The following PLCL2 variants were observed in gnomAD, a reference collection of about 807,000 sequenced individuals.
The protein encoded by PLCL2 is phospholipase C like 2, also known as inactive phospholipase C-like protein 2.
PLCL2 carries 4 observed loss-of-function variants against 79.6 expected under a neutral mutation model. That is an observed-to-expected ratio of 0.05 (90% CI 0.02 to 0.11). PLCL2 has a LOEUF of 0.11. PLCL2 is among the 10% of genes least tolerant of loss of function. The pLI is 1.00. For missense variants in PLCL2, 895 were observed against 1,291.0 expected (o/e 0.69, Z 4.70); for synonymous variants, 484 against 457.7 (o/e 1.06, Z -0.73).
At chr3:17,034,061 C>T (rs1455491936) in intron 3 of PLCL2, among the ~76,000 whole-genome samples, 1 of 152,152 alleles carries the variant, frequency 6.6e-6, no homozygotes, top group African/African-American at 2.4e-5. Flanking sequence ...CATTATAACA[C>T]TGAAGAGGAA....
Position 17,010,940 on chromosome 3 carries a change from G to C in PLCL2, c.1594G>C (p.Val532Leu), listed in dbSNP as rs1243236597. Residue 532 changes from valine (V) to leucine (L), a missense_variant, in exon 2 of 6, where the codon GTT becomes CTT. By Grantham distance (32) the Val-to-Leu change is conservative. Transcript: ENST00000615277. This position sits in a 1 kb window ranked among gnomAD's most constrained non-coding sequence, Gnocchi z 5.8. ...HCSIKQQKVM[V>L]QHMKKLLGDK... ...TTCCATTAAACAACAGAAGGTAATG[G>C]TTCAGCACATGAAGAAACTTTTAGG... 1.2e-6 allele frequency: 2 copies of C among 1,614,066 alleles called. No individual in the cohort carries two copies. Among genetic ancestry groups the C allele is most frequent in the Non-Finnish European group, 1.7e-6 (2 of 1,179,996 alleles).
At chr3:17,084,992 T>G (rs908848730) in intron 5 of PLCL2, among the ~76,000 whole-genome samples, 1 of 152,122 alleles carries the variant, frequency 6.6e-6, no homozygotes, top group African/African-American at 2.4e-5. Flanking sequence ...AATAAAACTG[T>G]CTCTGTTCAC....
At chr3:17,014,457 C>T (rs1440643496) in intron 2 of PLCL2, among the ~76,000 whole-genome samples, 2 of 152,166 alleles carry the variant, frequency 1.3e-5, no homozygotes, top group East Asian at 1.9e-4. Context: ...CCTTGCCCTT[C>T]AGAAGAATTT....
intron 4 of PLCL2, among the ~76,000 whole-genome samples, chr3:17,044,944 AAT>A (rs1254775146): frequency 6.6e-6 from 1 of 152,194 alleles, no homozygotes; most frequent in Non-Finnish European, 1.5e-5. Flanking sequence ...ACCACTGTGT[AAT>A]GGTTCAAGTT....
At chr3:16,974,704 C>T (rs761707368) in intron 1 of PLCL2, among the ~76,000 whole-genome samples, 1 of 152,212 alleles carries the variant, frequency 6.6e-6, no homozygotes, top group Non-Finnish European at 1.5e-5. Flanking sequence ...TTGCTGCCAC[C>T]ATTAATGGTT....
chr3:16,898,470 A>C (rs1353663263), intron 1 of PLCL2, among the ~76,000 whole-genome samples: 1 of 152,206 alleles, frequency 6.6e-6, no homozygotes, highest in African/African-American at 2.4e-5. Context: ...TTTTGTCCTA[A>C]GGAATAGCTG....
At chr3:16,962,500 C>G (rs1394432256) in intron 1 of PLCL2, among the ~76,000 whole-genome samples, 1 of 151,150 alleles carries the variant, frequency 6.6e-6, no homozygotes, top group East Asian at 1.9e-4. Context: ...AATTCAGAGT[C>G]AATTGTTTTT....
intron 1 of PLCL2, among the ~76,000 whole-genome samples, chr3:16,956,108 G>A (rs2063702420): frequency 6.6e-6 from 1 of 152,114 alleles, no homozygotes; most frequent in African/African-American, 2.4e-5. Flanking sequence ...TCTTGTGCCA[G>A]TTTTCAAAGG....
intron 5 of PLCL2, among the ~76,000 whole-genome samples, chr3:17,077,516 T>G (rs2065119722): frequency 6.6e-6 from 1 of 152,240 alleles, no homozygotes; most frequent in Admixed American, 6.5e-5. Flanking sequence ...TCATCAGGAA[T>G]GTAGAATGGA....
intron 3 of PLCL2, among the ~76,000 whole-genome samples, chr3:17,033,714 C>T (rs1227028357): frequency 6.6e-6 from 1 of 152,194 alleles, no homozygotes; most frequent in Non-Finnish European, 1.5e-5. Flanking sequence ...CTCCTTCCAC[C>T]ACTTCACAGT....
chr3:17,024,435 A>C (rs1045331228), intron 3 of PLCL2, among the ~76,000 whole-genome samples: 4 of 152,286 alleles, frequency 2.6e-5, no homozygotes, highest in African/African-American at 9.6e-5. Context: ...ATCAAACACT[A>C]CTGGCAATAG....
intron 1 of PLCL2, among the ~76,000 whole-genome samples, chr3:17,001,710 A>G (rs772972512): frequency 6.6e-5 from 10 of 151,952 alleles, no homozygotes; most frequent in Admixed American, 2.0e-4. Context: ...CCATTGGTCT[A>G]TGTGTCTGTT....
chr3:16,937,501 C>A (rs936471234), intron 1 of PLCL2, among the ~76,000 whole-genome samples: 2 of 152,136 alleles, frequency 1.3e-5, no homozygotes, highest in Admixed American at 1.3e-4. Flanking sequence ...GTGCTAATAG[C>A]ATAAATCAAA....
Position 16,885,019 on chromosome 3 carries a change from C to A in PLCL2, c.-21C>A, listed in dbSNP as rs1208833721. On this transcript the variant is annotated 5_prime_UTR_variant, in exon 1 of 6. Coordinates refer to ENST00000615277, the MANE Select transcript of PLCL2 (RefSeq NM_001144382.2). ...GGGGACGCGAGGACGCGGCTTTGTG[C>A]AGGCGGGTCGCGGGGCGCCCATGGC... 3.3e-6 allele frequency: 1 copy of A among 305,862 alleles called. No individual in the cohort carries two copies. Among genetic ancestry groups the A allele is most frequent in the Non-Finnish European group, 6.0e-6 (1 of 167,460 alleles). The allele number at this position is 305,862 out of a possible 1,614,324, so 18.9% of individuals were successfully genotyped here.
At chr3:17,001,546 G>A (rs2064211644) in intron 1 of PLCL2, among the ~76,000 whole-genome samples, 2 of 151,956 alleles carry the variant, frequency 1.3e-5, no homozygotes, top group African/African-American at 4.8e-5. Flanking sequence ...TAAGAGATAG[G>A]GATCTAGTTT....
chr3:16,960,370 C>T (rs1300373673), intron 1 of PLCL2, among the ~76,000 whole-genome samples: 1 of 152,126 alleles, frequency 6.6e-6, no homozygotes, highest in East Asian at 1.9e-4. Context: ...TTTCCCAGTC[C>T]CTCAGGGTCA....
chr3:16,998,023 A>G (rs1307526242), intron 1 of PLCL2, among the ~76,000 whole-genome samples: 4 of 152,176 alleles, frequency 2.6e-5, no homozygotes, highest in Admixed American at 1.3e-4. Flanking sequence ...TTGAAGAGTT[A>G]CTATTCTTTG....
chr3:16,892,650 A>T (rs562425912), intron 1 of PLCL2, among the ~76,000 whole-genome samples: 41 of 152,318 alleles, frequency 2.7e-4, no homozygotes, highest in African/African-American at 9.6e-4. Context: ...TGCGATCTCT[A>T]ATTCCTCAGC....
At chr3:16,995,878 T>A (rs1360606657) in intron 1 of PLCL2, among the ~76,000 whole-genome samples, 1 of 152,178 alleles carries the variant, frequency 6.6e-6, no homozygotes, top group Non-Finnish European at 1.5e-5. Context: ...TTTACAAACA[T>A]GTGTTGTCTC....
Sources: gnomAD v4.1 joint callset for allele counts (sites outside exome capture counted in the v4.1 genomes callset) on GRCh38, gnomAD v4.1.1 for gene constraint, Gnocchi (gnomAD v3.1) non-coding constraint, MANE v1.5 for transcripts, NCBI Gene and HGNC (gene_info 2026-07-23, HGNC 2026-07-21) for gene names.